Variants in NUP98 observed in about 807,000 individuals in gnomAD.
NUP98 encodes the protein nuclear pore complex protein Nup98-Nup96.
Under a neutral mutation model 191.9 loss-of-function variants are expected in NUP98, and 26 were observed. The observed-to-expected ratio is 0.14, with a 90% CI of 0.10 to 0.19. NUP98 has a LOEUF of 0.19. Ranked by LOEUF, NUP98 falls within the 10% of genes least tolerant of loss-of-function variation. The probability of loss-of-function intolerance (pLI) is 1.00; values close to 1 mark genes in which losing one functional copy is unlikely to be tolerated. For missense variants in NUP98, 1,941 were observed against 2,178.8 expected (o/e 0.89, Z 2.17); for synonymous variants, 808 against 778.4 (o/e 1.04, Z -0.63).
intron 1 of NUP98, among the ~76,000 whole-genome samples, chr11:3,789,439 C>T (rs2082258138): frequency 6.6e-6 from 1 of 151,744 alleles, no homozygotes; most frequent in South Asian, 2.1e-4. Flanking sequence ...CCATCTATCT[C>T]ACATCTCTGT....
intron 18 of NUP98, among the ~76,000 whole-genome samples, chr11:3,717,547 T>C (rs1005721593): frequency 5.3e-5 from 8 of 152,346 alleles, no homozygotes; most frequent in South Asian, 2.1e-4. Context: ...TGTAACTTTG[T>C]TGAATTTGTT....
chr11:3,780,394 T>G (rs1388965345), intron 2 of NUP98, among the ~76,000 whole-genome samples: 1 of 147,034 alleles, frequency 6.8e-6, no homozygotes, highest in African/African-American at 2.5e-5. Flanking sequence ...AAAAAAAAAT[T>G]AGCCGGGCCT....
intron 28 of NUP98, among the ~76,000 whole-genome samples, chr11:3,690,155 T>C (rs1235017029): frequency 6.6e-6 from 1 of 151,716 alleles, no homozygotes; most frequent in South Asian, 2.1e-4. Flanking sequence ...TTTCACCATG[T>C]TGGCCAGGCT....
At chr11:3,781,993 G>A (rs1231234850) in intron 2 of NUP98, 49 bp downstream of exon 2, 1 of 1,248,406 alleles carries the variant, frequency 8.0e-7, no homozygotes. Flanking sequence ...TTTGTTCTTA[G>A]TAAGGGAGAT....
intron 1 of NUP98, among the ~76,000 whole-genome samples, chr11:3,787,919 G>C (rs1290857723): frequency 2.6e-5 from 4 of 151,634 alleles, no homozygotes; most frequent in Non-Finnish European, 4.4e-5. Flanking sequence ...TTGAATCCAG[G>C]AGGCGGAGGT....
chr11:3,694,907 CAA>C (rs1453395046), intron 26 of NUP98, among the ~76,000 whole-genome samples: 1 of 151,466 alleles, frequency 6.6e-6, no homozygotes, highest in Non-Finnish European at 1.5e-5. Flanking sequence ...TTTAAATGAA[CAA>C]AATATAAATA....
At chr11:3,778,693 T>C (rs1160757192) in intron 4 of NUP98, among the ~76,000 whole-genome samples, 180 bp downstream of exon 4, 2 of 152,230 alleles carry the variant, frequency 1.3e-5, no homozygotes, top group African/African-American at 4.8e-5. Context: ...GAAATGTACA[T>C]ACTCTCTTCC....
At chr11:3,693,586 T>G (rs1228069165) in intron 26 of NUP98, among the ~76,000 whole-genome samples, 1 of 152,184 alleles carries the variant, frequency 6.6e-6, no homozygotes, top group Non-Finnish European at 1.5e-5. Context: ...TGATACAGAG[T>G]TGCACTGTGT....
chr11:3,688,820 C>CATACATATAT (rs1554886591), intron 28 of NUP98, among the ~76,000 whole-genome samples: 1 of 136,278 alleles, frequency 7.3e-6, no homozygotes, highest in South Asian at 2.3e-4. Context: ...TTTAAATATA[C>CATACATATAT]ATATATATAT....
chr11:3,754,392 CT>C (rs1229130202), intron 10 of NUP98, among the ~76,000 whole-genome samples: 3 of 152,104 alleles, frequency 2.0e-5, no homozygotes, highest in African/African-American at 7.2e-5. Flanking sequence ...TGCCACTGCA[CT>C]CTAGCATGGA....
At chr11:3,724,253 G>A (rs2079524094) in intron 15 of NUP98, among the ~76,000 whole-genome samples, 2 of 150,870 alleles carry the variant, frequency 1.3e-5, no homozygotes, top group African/African-American at 2.4e-5. Flanking sequence ...CCAACATGGC[G>A]AAACCCTGTT....
chr11:3,716,436 T>G (rs596269), intron 18 of NUP98, among the ~76,000 whole-genome samples: 28,352 of 152,048 alleles, frequency 0.19, 2,902 homozygotes, highest in East Asian at 0.26. Flanking sequence ...CTGGGCGTGG[T>G]GGTTTACACC....
intron 1 of NUP98, among the ~76,000 whole-genome samples, chr11:3,794,092 T>C (rs1279168925): frequency 1.3e-5 from 2 of 152,224 alleles, no homozygotes; most frequent in Non-Finnish European, 2.9e-5. Context: ...GAGGATGTGT[T>C]ATGGGTATCT....
At chr11:3,773,868 G>C (rs1242870416) in intron 5 of NUP98, 129 bp from the exon 6 acceptor site, 1 of 540,550 alleles carries the variant, frequency 1.8e-6, no homozygotes, top group Admixed American at 3.6e-5. Context: ...TGGTTTCAAG[G>C]GTGCTTGATT....
At chr11:3,765,715 C>T (rs1023524293) in intron 8 of NUP98, among the ~76,000 whole-genome samples, 11 of 151,170 alleles carry the variant, frequency 7.3e-5, no homozygotes, top group African/African-American at 2.4e-4. Flanking sequence ...GCAGGAGAAT[C>T]GCTTGAACCC....
intron 25 of NUP98, 134 bp downstream of exon 25, chr11:3,698,948 A>G: frequency 1.0e-6 from 1 of 958,908 alleles, no homozygotes; most frequent in East Asian, 2.4e-5. Context: ...GGAACCAGCA[A>G]TCTTTCTGGG....
At chr11:3,774,432 A>C (rs549103091) in intron 5 of NUP98, among the ~76,000 whole-genome samples, 1 of 151,226 alleles carries the variant, frequency 6.6e-6, no homozygotes, top group South Asian at 2.1e-4. Flanking sequence ...AACAACAAAA[A>C]AACAGAAACT....
At chr11:3,725,818 CTT>C (rs1019976054) in intron 14 of NUP98, among the ~76,000 whole-genome samples, 1 of 152,118 alleles carries the variant, frequency 6.6e-6, no homozygotes, top group Non-Finnish European at 1.5e-5. Flanking sequence ...AGGTTTTTCT[CTT>C]TTTTCTTTAG....
chr11:3,794,648 A>C (rs2082468638), intron 1 of NUP98, among the ~76,000 whole-genome samples: 1 of 151,954 alleles, frequency 6.6e-6, no homozygotes, highest in African/African-American at 2.4e-5. Context: ...ACAGGGCCTC[A>C]CGCAGTTTCC....
Sources: gnomAD v4.1 joint callset for allele counts (sites outside exome capture counted in the v4.1 genomes callset) on GRCh38, gnomAD v4.1.1 for gene constraint, MANE v1.5 for transcripts, NCBI Gene and HGNC (gene_info 2026-07-23, HGNC 2026-07-21) for gene names.